Variants in ANXA6 observed in about 807,000 individuals in gnomAD.
ANXA6 encodes the protein 67 kDa calelectrin.
ANXA6 carries 71 observed loss-of-function variants against 95.4 expected under a neutral mutation model. The observed-to-expected ratio is 0.74, with a 90% CI of 0.61 to 0.91. ANXA6 has a LOEUF of 0.91. Ranked by LOEUF, ANXA6 falls within the 40% of genes least tolerant of loss-of-function variation. The pLI is 0.00. For synonymous variants in ANXA6, 289 were observed against 315.9 expected, an observed-to-expected ratio of 0.91 and a Z score of 0.90; for missense variants, 830 against 876.4, an observed-to-expected ratio of 0.95 and a Z score of 0.67.
At chr5:151,115,522 T>C (rs972908463) in intron 20 of ANXA6, among the ~76,000 whole-genome samples, 9 of 113,172 alleles carry the variant, frequency 8.0e-5, no homozygotes, top group Non-Finnish European at 7.6e-5. Context: ...CACAGCCTCA[T>C]TGGCAAACCA....
At chr5:151,134,256 T>C (rs1239129375) in intron 8 of ANXA6, among the ~76,000 whole-genome samples, 171 bp downstream of exon 8, 3 of 152,218 alleles carry the variant, frequency 2.0e-5, no homozygotes, top group Non-Finnish European at 4.4e-5. Flanking sequence ...CTTTGAAAGA[T>C]AACTTATATC....
intron 14 of ANXA6, among the ~76,000 whole-genome samples, 168 bp downstream of exon 14, chr5:151,126,234 C>T (rs1037257566): frequency 6.6e-6 from 1 of 152,120 alleles, no homozygotes; most frequent in Admixed American, 6.6e-5. Flanking sequence ...ACCAGGTGCG[C>T]CCCTCCACCA....
At chr5:151,142,726 C>T (rs542378864) in intron 2 of ANXA6, among the ~76,000 whole-genome samples, 49 of 152,288 alleles carry the variant, frequency 3.2e-4, no homozygotes, top group African/African-American at 9.4e-4. Flanking sequence ...ACACCCATGA[C>T]GGCCCAAGCT....
In ANXA6 at chr5:151,117,085, G is replaced by A. The variant is rs781178740; in HGVS notation, c.1572+42C>T. 6.5e-6 allele frequency: 10 copies of A among 1,530,016 alleles called. No individual in the cohort carries two copies. In the East Asian group the frequency reaches 2.2e-4, roughly 33 times the overall value. The allele number at this position is 1,530,016 out of a possible 1,614,324, so 94.8% of individuals were successfully genotyped here. ...CGCATAAGCTGGACCTACATCTCAG[G>A]GACACCCGGCAGAGGTGACTGGGGT... On this transcript the variant is annotated intron_variant, in intron 20 of 25. Transcript: ENST00000354546.
At chr5:151,131,389 A>G (rs1765508566) in intron 10 of ANXA6, 100 bp from the exon 11 acceptor site, 1 of 1,221,596 alleles carries the variant, frequency 8.2e-7, no homozygotes, top group Non-Finnish European at 1.2e-6. Context: ...AGGGCCACCT[A>G]GCTCAATACA....
At chr5:151,147,778 TCAAGCTGAAG>T in intron 2 of ANXA6, 96 bp downstream of exon 2, 1 of 1,298,594 alleles carries the variant, frequency 7.7e-7, no homozygotes, top group South Asian at 1.3e-5. Context: ...CCTCCTTTTT[TCAAGCTGAAG>T]GTACCAGGGG....
At chr5:151,141,796 T>A in intron 2 of ANXA6, 1 of 843,156 alleles carries the variant, frequency 1.2e-6, no homozygotes, top group Non-Finnish European at 1.4e-6. Context: ...GGCAGAGACT[T>A]AAAGAGTAAC....
rs1220858601 is a variant in ANXA6 at position 151,120,739 on chromosome 5, A to AAG, written c.1348-1351_1348-1350dup. On this transcript the variant is annotated intron_variant, in intron 17 of 25. Transcript: ENST00000354546. ...GTCTCAAAAAAAAAAAGAGAAAGGC[A>AAG]AGAGGCAAGACATGTTCTCTGTCCT... Among the ~76,000 whole-genome samples, 3 of 151,942 alleles carry AAG rather than the reference A, an allele frequency of 2.0e-5. No individual in the cohort carries two copies. In the East Asian group the frequency reaches 5.8e-4, roughly 29 times the overall value.
intron 17 of ANXA6, among the ~76,000 whole-genome samples, chr5:151,119,884 A>AT (rs1203668242): frequency 6.6e-6 from 1 of 151,858 alleles, no homozygotes. Flanking sequence ...AAAATGCTAA[A>AT]TTTTTTTTCT....
At chr5:151,140,749 T>C (rs1207983461) in intron 2 of ANXA6, among the ~76,000 whole-genome samples, 1 of 152,176 alleles carries the variant, frequency 6.6e-6, no homozygotes, top group African/African-American at 2.4e-5. Flanking sequence ...TTTTATGGCA[T>C]TTTATGTTTA....
At position 151,101,342 on chromosome 5, in the gene ANXA6, A is replaced by ACCCCCC; in HGVS notation, c.*105_*106insGGGGGG. 1.4e-5 allele frequency: 2 copies of ACCCCCC among 146,846 alleles called. No individual in the cohort carries two copies. The highest frequency in any genetic ancestry group is 4.6e-5 in the South Asian group (1 of 21,956). 9.1% of individuals were successfully genotyped at this position (146,846 alleles called of 1,614,324 possible). On this transcript the variant is annotated 3_prime_UTR_variant, in exon 26 of 26. Transcript: ENST00000354546. ...AGAGCCCAACCCAACCCCTCCCCCC[A>ACCCCCC]CCCCTGCCCCTTCCTTAGTCTCTGG...
intron 1 of ANXA6, 35 bp from the exon 2 acceptor site, chr5:151,147,961 C>G (rs1766012800): frequency 2.6e-6 from 4 of 1,549,150 alleles, no homozygotes; most frequent in Non-Finnish European, 2.6e-6. Flanking sequence ...GAGATTCCCC[C>G]CAACTCTAAC....
chr5:151,153,663 A>G (rs1198053288), intron 1 of ANXA6, among the ~76,000 whole-genome samples: 1 of 152,216 alleles, frequency 6.6e-6, no homozygotes, highest in South Asian at 2.1e-4. Flanking sequence ...CAGGTCAGTA[A>G]GTTGCAAATA....
intron 4 of ANXA6, 46 bp from the exon 5 acceptor site, chr5:151,138,837 G>A (rs752540324): frequency 4.5e-5 from 60 of 1,331,282 alleles, no homozygotes; most frequent in Non-Finnish European, 6.1e-5. Context: ...AAGAGGAAGA[G>A]TAGTTACAAC....
At chr5:151,108,598 A>T (rs1764764776) in intron 22 of ANXA6, 48 bp from the exon 23 acceptor site, 11 of 1,549,712 alleles carry the variant, frequency 7.1e-6, no homozygotes, top group African/African-American at 1.4e-5. Flanking sequence ...TCAGTGCAGG[A>T]GGCGGAGGAC....
chr5:151,107,987 G>A (rs1189312907), intron 23 of ANXA6, among the ~76,000 whole-genome samples: 1 of 151,766 alleles, frequency 6.6e-6, no homozygotes, highest in Non-Finnish European at 1.5e-5. Flanking sequence ...TTGTGGGGGT[G>A]TAGCATGTAT....
chr5:151,135,889 C>T (rs1210432014), intron 7 of ANXA6, among the ~76,000 whole-genome samples: 1 of 152,176 alleles, frequency 6.6e-6, no homozygotes, highest in Non-Finnish European at 1.5e-5. Context: ...TCCTAATAGT[C>T]TCTTTGTGAT....
At chr5:151,133,406 A>C in intron 8 of ANXA6, 1 of 543,710 alleles carries the variant, frequency 1.8e-6, no homozygotes, top group East Asian at 3.1e-5. Flanking sequence ...ATCATAGAGC[A>C]CTCGCACACA....
At chr5:151,123,279 T>C (rs1765223448) in intron 15 of ANXA6, among the ~76,000 whole-genome samples, 1 of 152,044 alleles carries the variant, frequency 6.6e-6, no homozygotes. Context: ...TGCCTCTGAG[T>C]TCTAGTTCTG....
Sources: gnomAD v4.1 joint callset for allele counts (sites outside exome capture counted in the v4.1 genomes callset) on GRCh38, gnomAD v4.1.1 for gene constraint, MANE v1.5 for transcripts, NCBI Gene and HGNC (gene_info 2026-07-23, HGNC 2026-07-21) for gene names.